The following DAB1 variants were observed in gnomAD, a reference collection of about 807,000 sequenced individuals.
The protein encoded by DAB1 is DAB adaptor protein 1, also known as disabled homolog 1.
In DAB1, 15 loss-of-function variants were observed where a neutral mutation model predicts 64.6. That is an observed-to-expected ratio of 0.23 (90% CI 0.16 to 0.36). DAB1 has a LOEUF of 0.36. Among genes scored for constraint, DAB1 ranks in the 10% least tolerant of loss-of-function variants. DAB1 has a pLI of 1.00. For synonymous variants in DAB1, 235 were observed against 251.9 expected, an observed-to-expected ratio of 0.93 and a Z score of 0.64; for missense variants, 596 against 706.7, an observed-to-expected ratio of 0.84 and a Z score of 1.78.
chr1:57,773,344 T>TACACACACACAC (rs60059518), intron 6 of DAB1, among the ~76,000 whole-genome samples: 14 of 147,570 alleles, frequency 9.5e-5, no homozygotes, highest in Non-Finnish European at 2.0e-4. Flanking sequence ...TTGAGTTGTA[T>TACACACACACAC]ACACACACAC....
intron 5 of DAB1, among the ~76,000 whole-genome samples, chr1:57,966,362 T>C (rs1199200861): frequency 6.6e-6 from 1 of 152,150 alleles, no homozygotes; most frequent in Non-Finnish European, 1.5e-5. Flanking sequence ...AAAGGAGGAA[T>C]GTTGCCCCCT....
chr1:57,072,239 C>A (rs778817134), intron 5 of DAB1, 44 bp downstream of exon 5: 1 of 1,608,444 alleles, frequency 6.2e-7, no homozygotes, highest in Admixed American at 1.7e-5. Flanking sequence ...ACTGTCCCCC[C>A]AGAGTTCCAA....
intron 3 of DAB1, among the ~76,000 whole-genome samples, chr1:58,372,507 C>A (rs1443793416): frequency 6.6e-6 from 1 of 152,058 alleles, no homozygotes; most frequent in Non-Finnish European, 1.5e-5. Flanking sequence ...TGAGTTACTG[C>A]TGGAATGAGT....
intron 3 of DAB1, chr1:58,415,271 C>T (rs964939286): frequency 6.4e-6 from 1 of 157,164 alleles, no homozygotes; most frequent in Non-Finnish European, 1.4e-5. Context: ...CTCACACTTC[C>T]CGCCTCCAGA....
chr1:57,855,551 G>C (rs1653714081), intron 1 of DAB1, among the ~76,000 whole-genome samples: 1 of 152,086 alleles, frequency 6.6e-6, no homozygotes, highest in African/African-American at 2.4e-5. Flanking sequence ...TTTGATATAG[G>C]GACATAGGGA....
chr1:58,335,571 G>A (rs1663093167), intron 4 of DAB1, among the ~76,000 whole-genome samples: 1 of 151,024 alleles, frequency 6.6e-6, no homozygotes, highest in Non-Finnish European at 1.5e-5. Flanking sequence ...CAATGAATGT[G>A]GGTGTAGGCA....
chr1:57,630,123 A>C (rs1645970741), intron 7 of DAB1, among the ~76,000 whole-genome samples: 1 of 152,184 alleles, frequency 6.6e-6, no homozygotes, highest in African/African-American at 2.4e-5. Context: ...AGACTCAAAA[A>C]TAAGAGGGAG....
intron 2 of DAB1, among the ~76,000 whole-genome samples, chr1:57,147,296 C>A (rs1267568128): frequency 6.6e-6 from 1 of 151,812 alleles, no homozygotes; most frequent in Non-Finnish European, 1.5e-5. Context: ...GGATTATAGG[C>A]GTGAGTATCA....
chr1:58,298,923 A>C (rs1662053687), intron 4 of DAB1, among the ~76,000 whole-genome samples: 2 of 152,202 alleles, frequency 1.3e-5, no homozygotes, highest in Non-Finnish European at 2.9e-5. Context: ...TTACCAGTAT[A>C]ATTACTTCTC....
intron 4 of DAB1, among the ~76,000 whole-genome samples, chr1:58,291,561 G>A (rs143934271): frequency 0.014 from 2,098 of 152,274 alleles, 25 homozygotes; most frequent in Admixed American, 0.021. Context: ...CTTGTTCACA[G>A]GACCTACAAT....
chr1:57,646,750 AAAAACAAAACAG>A (rs1449645371), intron 7 of DAB1, among the ~76,000 whole-genome samples: 1 of 152,160 alleles, frequency 6.6e-6, no homozygotes, highest in South Asian at 2.1e-4. Context: ...CCCCATCTCA[AAAAACAAAACAG>A]AAAACAAAAC....
intron 5 of DAB1, among the ~76,000 whole-genome samples, chr1:58,143,877 G>C (rs1055077700): frequency 2.0e-5 from 3 of 152,166 alleles, no homozygotes; most frequent in African/African-American, 7.2e-5. Context: ...CCATATATCT[G>C]AATATGTATT....
At chr1:57,043,838 C>T (rs185295668) in intron 9 of DAB1, among the ~76,000 whole-genome samples, 1 of 150,756 alleles carries the variant, frequency 6.6e-6, no homozygotes, top group African/African-American at 2.5e-5. Flanking sequence ...CAGAGTAAGA[C>T]TCCTACTCAA....
At chr1:57,743,194 G>A (rs999021867) in intron 6 of DAB1, among the ~76,000 whole-genome samples, 2 of 152,170 alleles carry the variant, frequency 1.3e-5, no homozygotes, top group African/African-American at 4.8e-5. Flanking sequence ...TATACATCCA[G>A]ATGGCCTGAA....
At chr1:57,157,479 T>C (rs921919778) in intron 2 of DAB1, among the ~76,000 whole-genome samples, 15 of 151,970 alleles carry the variant, frequency 9.9e-5, no homozygotes, top group African/African-American at 3.6e-4. Context: ...GCTGGAAGAT[T>C]TGGTTGTTGG....
At chr1:58,138,180 A>T (rs374996104) in intron 5 of DAB1, among the ~76,000 whole-genome samples, 27 of 152,304 alleles carry the variant, frequency 1.8e-4, no homozygotes, top group African/African-American at 6.0e-4. Flanking sequence ...TATAAGGTAG[A>T]CATCAATAAC....
At chr1:57,092,350 A>G (rs1653763671) in intron 4 of DAB1, among the ~76,000 whole-genome samples, 1 of 152,076 alleles carries the variant, frequency 6.6e-6, no homozygotes, top group Admixed American at 6.6e-5. Context: ...TGTAATCCCC[A>G]TAAATCCCCA....
At chr1:58,324,244 C>CT (rs2100488711) in intron 4 of DAB1, among the ~76,000 whole-genome samples, 1 of 152,244 alleles carries the variant, frequency 6.6e-6, no homozygotes, top group African/African-American at 2.4e-5. Context: ...CCTCAAATGC[C>CT]TAGAGATACA....
At chr1:57,662,475 C>T (rs533889137) in intron 6 of DAB1, among the ~76,000 whole-genome samples, 2 of 152,124 alleles carry the variant, frequency 1.3e-5, no homozygotes, top group South Asian at 2.1e-4. Flanking sequence ...GGATTACAGG[C>T]GTGAGCCACC....
Sources: allele counts gnomAD v4.1 joint callset (sites outside exome capture counted in the v4.1 genomes callset), GRCh38; gene constraint gnomAD v4.1.1; transcripts MANE v1.5; gene names NCBI Gene and HGNC (gene_info 2026-07-23, HGNC 2026-07-21).